The following FHIP2A variants were observed in gnomAD, a reference collection of about 807,000 sequenced individuals.
FHIP2A encodes family with sequence similarity 160 member B1.
In FHIP2A, 46 loss-of-function variants were observed where a neutral mutation model predicts 93.5. The observed-to-expected ratio is 0.49, with a 90% confidence interval of 0.39 to 0.63. The LOEUF is 0.63. Ranked by LOEUF, FHIP2A falls within the 20% of genes least tolerant of loss-of-function variation. The pLI is 0.00. For missense variants in FHIP2A, 769 were observed against 909.7 expected (o/e 0.85, Z 1.99); for synonymous variants, 332 against 326.5 (o/e 1.02, Z -0.18).
At position 114,847,225 on chromosome 10, in the gene FHIP2A, T is replaced by A; in HGVS notation, c.1704T>A (p.Ile568=). The change falls in exon 12 of 17, where the codon ATT becomes ATA. Residue 568 remains isoleucine (I), a synonymous_variant. Transcript: ENST00000369248. ...KNDGKTEVHK[I]VNSFLCLVPD... is the part of the protein sequence containing the mutation. ...ATGGAAAAACTGAAGTTCATAAAAT[T>A]GTAAATAGGTGAGTTGCTATATAAA... 6.2e-7 allele frequency: 1 copy of A among 1,605,488 alleles called. No homozygotes were observed. Among genetic ancestry groups the A allele is most frequent in the Non-Finnish European group, 8.5e-7 (1 of 1,177,874 alleles).
chr10:114,861,167 T>C, intron 15 of FHIP2A, 64 bp from the exon 16 acceptor site: 1 of 1,576,848 alleles, frequency 6.3e-7, no homozygotes, highest in Non-Finnish European at 8.6e-7. Flanking sequence ...TTTTTCTTTT[T>C]AGATCCTGAG....
chr10:114,891,314 A>G (rs2083972850), intron 16 of FHIP2A, among the ~76,000 whole-genome samples: 1 of 151,096 alleles, frequency 6.6e-6, no homozygotes, highest in African/African-American at 2.4e-5. Flanking sequence ...GTGTGAGAGA[A>G]AGAATGGGGG....
At chr10:114,849,178 T>C (rs1046692927) in intron 13 of FHIP2A, among the ~76,000 whole-genome samples, 3 of 151,642 alleles carry the variant, frequency 2.0e-5, no homozygotes, top group Admixed American at 6.6e-5. Context: ...CTATAACTAC[T>C]TTTGCTTTGT....
At position 114,842,916 on chromosome 10, in the gene FHIP2A, C is replaced by T. The variant is rs151060834; in HGVS notation, c.523-17C>T. 29 of 1,515,418 alleles carry T rather than the reference C, an allele frequency of 1.9e-5. No individual in the cohort carries two copies. The highest frequency in any genetic ancestry group is 1.8e-4 in the African/African-American group (13 of 72,472). 93.9% of individuals were successfully genotyped at this position (1,515,418 alleles called of 1,614,324 possible). A position where few individuals can be genotyped will look rare whatever the true frequency, so the allele number is the denominator to read the frequency against. On this transcript the variant is annotated splice_polypyrimidine_tract_variant and intron_variant, in intron 5 of 16. Transcript: ENST00000369248. Reference sequence around the variant, plus strand: ...AGTTATTGATGTGAATTTTATAAAACATATATTCCTTTTCAGAATAAGATG... The same window carrying T: ...AGTTATTGATGTGAATTTTATAAAATATATATTCCTTTTCAGAATAAGATG...
intron 16 of FHIP2A, among the ~76,000 whole-genome samples, chr10:114,876,185 C>G (rs1279145688): frequency 2.0e-5 from 3 of 152,178 alleles, no homozygotes; most frequent in Admixed American, 1.3e-4. Flanking sequence ...TCTCTACCTT[C>G]TCTTCCTTCC....
At position 114,846,044 on chromosome 10, in the gene FHIP2A, A is replaced by G. The variant is rs889252881; in HGVS notation, c.1160A>G (p.His387Arg). 4.2e-5 allele frequency: 68 copies of G among 1,613,912 alleles called. No homozygotes were observed. Among genetic ancestry groups the G allele is most frequent in the Non-Finnish European group, 5.6e-5 (66 of 1,179,972 alleles). Residue 387 changes from histidine (H) to arginine (R), a missense_variant, in exon 9 of 17, where the codon CAT (histidine) becomes CGT (arginine). Physicochemically the swap from His to Arg is conservative, Grantham distance 29. Coordinates refer to ENST00000369248, the MANE Select transcript of FHIP2A (RefSeq NM_020940.4). ...GCTGTTGCTCTTGCCAAAGCTGTTC[A>G]TGAAAGATTTTTCATTGGTGTTATG... ...TAAVALAKAV[H>R]ERFFIGVMEP...
intron 16 of FHIP2A, among the ~76,000 whole-genome samples, chr10:114,877,483 G>A (rs1433684702): frequency 6.6e-6 from 1 of 151,800 alleles, no homozygotes; most frequent in African/African-American, 2.4e-5. Flanking sequence ...TTATATATAA[G>A]TCTCAATCCT....
intron 13 of FHIP2A, among the ~76,000 whole-genome samples, chr10:114,850,822 A>G (rs147097303): frequency 6.6e-6 from 1 of 152,170 alleles, no homozygotes; most frequent in African/African-American, 2.4e-5. Context: ...ATTATTTACA[A>G]ACATTTTCTC....
In FHIP2A at chr10:114,862,550, G is replaced by A. The variant is rs1013649084; in HGVS notation, c.*1010G>A. 1.0e-6 allele frequency: 1 copy of A among 987,258 alleles called. No homozygotes were observed. Among genetic ancestry groups the A allele is most frequent in the African/African-American group, 1.7e-5 (1 of 57,268 alleles). The allele number at this position is 987,258 out of a possible 1,614,324, so 61.2% of individuals were successfully genotyped here. ...CTTTTGTTTTAAATGATTCTAAAGA[G>A]ATTAAAGAAAACAGAGTTTTAAATG... On this transcript the variant is annotated 3_prime_UTR_variant, in exon 17 of 17. Transcript: ENST00000369248.
chr10:114,878,385 G>A (rs1272602698), intron 16 of FHIP2A, among the ~76,000 whole-genome samples: 3 of 152,198 alleles, frequency 2.0e-5, no homozygotes, highest in Non-Finnish European at 4.4e-5. Context: ...TGAGGCTGAG[G>A]ATAAGAGGAG....
intron 1 of FHIP2A, among the ~76,000 whole-genome samples, chr10:114,828,799 T>G (rs371774123): frequency 5.1e-4 from 78 of 152,336 alleles, no homozygotes; most frequent in African/African-American, 1.8e-3. Context: ...GCAGTCTTTT[T>G]TATTTTTATT....
Position 114,862,221 on chromosome 10 carries a change from T to C in FHIP2A, c.*681T>C. 2.0e-6 allele frequency: 2 copies of C among 981,312 alleles called. No homozygotes were observed. Among genetic ancestry groups the C allele is most frequent in the Non-Finnish European group, 2.4e-6 (2 of 825,830 alleles). The allele number at this position is 981,312 out of a possible 1,614,324, so 60.8% of individuals were successfully genotyped here. A position where few individuals can be genotyped will look rare whatever the true frequency, so the allele number is the denominator to read the frequency against. On this transcript the variant is annotated 3_prime_UTR_variant, in exon 17 of 17. Coordinates refer to ENST00000369248, the MANE Select transcript of FHIP2A (RefSeq NM_020940.4). ...TTTGTGCACATAGCCATGTTAGTGATTTTCTTCATGTGTGGGTCCCAGTTT... is the reference window on the plus strand; with the variant it reads ...TTTGTGCACATAGCCATGTTAGTGACTTTCTTCATGTGTGGGTCCCAGTTT...
At chr10:114,868,123 T>C (rs1440118869), downstream of FHIP2A, among the ~76,000 whole-genome samples, 1 of 152,052 alleles carries the variant, frequency 6.6e-6, no homozygotes, top group Non-Finnish European at 1.5e-5. Context: ...ACAGTCTCAC[T>C]ATATTGCCCA....
At chr10:114,835,690 G>T in intron 4 of FHIP2A, 49 bp downstream of exon 4, 1 of 1,107,306 alleles carries the variant, frequency 9.0e-7, no homozygotes, top group South Asian at 1.6e-5. Context: ...TTCTTTTAAT[G>T]TTGAAATAAT....
chr10:114,860,775 C>A lies in FHIP2A; in HGVS notation c.1974C>A (p.Thr658=), dbSNP rs1566377867. The A allele has an allele frequency of 3.7e-6, 6 of 1,606,824 alleles. No individual in the cohort carries two copies. Among genetic ancestry groups the A allele is most frequent in the Non-Finnish European group, 4.3e-6 (5 of 1,173,404 alleles). Residue 658 remains threonine (T), a synonymous_variant, in exon 15 of 17, where the codon ACC becomes ACA. Transcript: ENST00000369248. ...CATATGATGTAAACTTACAAGTAACCTCAGTGTTATCTAGACTTTCTCTCT... is the reference window on the plus strand; with the variant it reads ...CATATGATGTAAACTTACAAGTAACATCAGTGTTATCTAGACTTTCTCTCT... ...DQPYDVNLQV[T]SVLSRLSLFP...
Position 114,861,938 on chromosome 10 carries a change from T to G in FHIP2A, c.*398T>G, listed in dbSNP as rs749166072. On this transcript the variant is annotated 3_prime_UTR_variant, in exon 17 of 17. Coordinates refer to ENST00000369248, the MANE Select transcript of FHIP2A (RefSeq NM_020940.4). The stretch of plus-strand genomic sequence containing the variant: ...CTCTGGGACTCAAATGCTTGTATTC[T>G]TTTGGATTAATAAGTAGCAAAAAAA... The G allele has an allele frequency of 6.1e-6, 6 of 986,774 alleles. No individual in the cohort carries two copies. In the South Asian group the frequency reaches 2.3e-4, roughly 39 times the overall value. 61.1% of individuals were successfully genotyped at this position (986,774 alleles called of 1,614,324 possible).
At chr10:114,894,820 G>A (rs1242606039) in intron 16 of FHIP2A, among the ~76,000 whole-genome samples, 7 of 152,186 alleles carry the variant, frequency 4.6e-5, no homozygotes, top group Admixed American at 4.6e-4. Flanking sequence ...GACCTAGAGT[G>A]TGTAGTAGAA....
intron 16 of FHIP2A, among the ~76,000 whole-genome samples, chr10:114,875,310 G>T (rs2083879383): frequency 1.3e-5 from 2 of 152,188 alleles, no homozygotes; most frequent in Non-Finnish European, 2.9e-5. Context: ...AGGAGTGAGG[G>T]CATGCCTTGG....
intron 13 of FHIP2A, among the ~76,000 whole-genome samples, chr10:114,853,853 G>T (rs2083750741): frequency 6.6e-6 from 1 of 151,824 alleles, no homozygotes; most frequent in South Asian, 2.1e-4. Context: ...ACAAAAATTA[G>T]CTGGACCTGG....
Sources: gnomAD v4.1 joint callset for allele counts (sites outside exome capture counted in the v4.1 genomes callset) on GRCh38, gnomAD v4.1.1 for gene constraint, MANE v1.5 for transcripts, NCBI Gene and HGNC (gene_info 2026-07-23, HGNC 2026-07-21) for gene names.